The following EFNA5 variants were observed in gnomAD, a reference collection of about 807,000 sequenced individuals.
EFNA5 encodes the protein ephrin A5, also known as ephrin-A5.
A neutral mutation model predicts 22.9 loss-of-function variants in EFNA5; 5 were observed. The observed-to-expected ratio is 0.22, with a 90% CI of 0.11 to 0.46. The LOEUF (loss-of-function observed/expected upper bound fraction) is 0.46, where lower values mean the gene tolerates loss of function less well. EFNA5 is among the 20% of genes least tolerant of loss of function. The pLI, the probability that EFNA5 is intolerant of heterozygous loss-of-function variation, is 0.99. For missense variants in EFNA5, 237 were observed against 293.3 expected, an observed-to-expected ratio of 0.81 and a Z score of 1.40; for synonymous variants, 113 against 112.2, an observed-to-expected ratio of 1.01 and a Z score of -0.04.
At chr5:107,411,870 G>T (rs1748376762) in intron 2 of EFNA5, among the ~76,000 whole-genome samples, 1 of 152,162 alleles carries the variant, frequency 6.6e-6, no homozygotes, top group African/African-American at 2.4e-5. Context: ...AACATACTTG[G>T]CTCTTTTTGT....
At chr5:107,599,814 C>T (rs1037265383) in intron 1 of EFNA5, among the ~76,000 whole-genome samples, 1 of 152,188 alleles carries the variant, frequency 6.6e-6, no homozygotes, top group African/African-American at 2.4e-5. Context: ...TAGGAAGACT[C>T]CAGTGAGTTG....
At chr5:107,668,195 T>C (rs1327331166) in intron 1 of EFNA5, among the ~76,000 whole-genome samples, 1 of 152,172 alleles carries the variant, frequency 6.6e-6, no homozygotes, top group Non-Finnish European at 1.5e-5. Context: ...AAACTGATAA[T>C]GATCAAATAG....
intron 1 of EFNA5, among the ~76,000 whole-genome samples, chr5:107,630,115 A>T (rs932904363): frequency 3.3e-5 from 5 of 152,142 alleles, no homozygotes; most frequent in African/African-American, 1.2e-4. Context: ...AAAGCTCATC[A>T]GCTATCATTA....
intron 4 of EFNA5, among the ~76,000 whole-genome samples, chr5:107,386,422 A>G (rs1327543795): frequency 6.6e-6 from 1 of 152,182 alleles, no homozygotes; most frequent in East Asian, 1.9e-4. Context: ...GACTGAATTG[A>G]TAACCGAATG....
chr5:107,481,843 C>G (rs1379986482), intron 1 of EFNA5, among the ~76,000 whole-genome samples: 3 of 105,906 alleles, frequency 2.8e-5, no homozygotes, highest in African/African-American at 1.5e-4. Context: ...GAGCGAGACT[C>G]CATCTCAAAA....
At chr5:107,660,741 C>A (rs1426681999) in intron 1 of EFNA5, among the ~76,000 whole-genome samples, 9 of 152,068 alleles carry the variant, frequency 5.9e-5, no homozygotes, top group Non-Finnish European at 1.2e-4. Flanking sequence ...ATGGCAGACA[C>A]CAGATCTATC....
chr5:107,487,233 T>C (rs1172263010), intron 1 of EFNA5, among the ~76,000 whole-genome samples: 1 of 152,252 alleles, frequency 6.6e-6, no homozygotes, highest in South Asian at 2.1e-4. Flanking sequence ...CCACTCCCTC[T>C]TCCCCCCGGG....
rs1295576156 is a variant in EFNA5, at chr5:107,390,968, G to A, written c.419-3197C>T. ...AAGGCCAGGAGTTCGAGACCAGCCT[G>A]GCCAACTTGGCAAAACCCTGTCTCT... On this transcript the variant is annotated intron_variant, in intron 2 of 4. Transcript: ENST00000333274. 2.0e-5 allele frequency among the ~76,000 whole-genome samples: 3 copies of A among 152,224 alleles called. No homozygotes were observed. The East Asian group carries it at 5.8e-4, about 29-fold the overall frequency.
At chr5:107,618,593 T>C (rs1240423244) in intron 1 of EFNA5, among the ~76,000 whole-genome samples, 2 of 152,186 alleles carry the variant, frequency 1.3e-5, no homozygotes, top group Non-Finnish European at 2.9e-5. Context: ...AGGCACAGTT[T>C]TCCTGACAGT....
chr5:107,610,671 G>A (rs746722814), intron 1 of EFNA5, among the ~76,000 whole-genome samples: 1 of 151,818 alleles, frequency 6.6e-6, no homozygotes, highest in Non-Finnish European at 1.5e-5. Flanking sequence ...TTATTTTTCA[G>A]TGCATACAGT....
chr5:107,590,446 G>A (rs112683125), intron 1 of EFNA5, among the ~76,000 whole-genome samples: 1,677 of 151,554 alleles, frequency 0.011, 39 homozygotes, highest in African/African-American at 0.038. Context: ...CTGGAGTGCC[G>A]TGGAATGGTC....
intron 1 of EFNA5, among the ~76,000 whole-genome samples, chr5:107,660,306 A>ATATATG (rs1750925538): frequency 1.0e-5 from 1 of 96,824 alleles, no homozygotes; most frequent in Non-Finnish European, 2.1e-5. Context: ...ATATATATAT[A>ATATATG]TATATATATT....
chr5:107,456,929 C>T (rs534025852), intron 1 of EFNA5, among the ~76,000 whole-genome samples: 3 of 152,126 alleles, frequency 2.0e-5, no homozygotes, highest in Non-Finnish European at 4.4e-5. Flanking sequence ...TGACCCTTAG[C>T]ACAGTTGTTC....
At chr5:107,660,280 A>C (rs1406891069) in intron 1 of EFNA5, among the ~76,000 whole-genome samples, 3 of 52,582 alleles carry the variant, frequency 5.7e-5, no homozygotes, top group Non-Finnish European at 1.1e-4. Context: ...ATATATATAT[A>C]TATATATATA....
chr5:107,523,805 T>C (rs1283549931), intron 1 of EFNA5, among the ~76,000 whole-genome samples: 1 of 152,224 alleles, frequency 6.6e-6, no homozygotes, highest in Non-Finnish European at 1.5e-5. Flanking sequence ...TGGGTGCTTT[T>C]ATATTTAGCT....
At chr5:107,463,891 C>T (rs1294359433) in intron 1 of EFNA5, among the ~76,000 whole-genome samples, 2 of 152,038 alleles carry the variant, frequency 1.3e-5, no homozygotes, top group Admixed American at 6.6e-5. Context: ...TCACACTCAC[C>T]GAGCTGCATC....
chr5:107,401,547 T>C (rs1748084430), intron 2 of EFNA5, among the ~76,000 whole-genome samples: 1 of 152,194 alleles, frequency 6.6e-6, no homozygotes, highest in South Asian at 2.1e-4. Context: ...ATACTTCAAG[T>C]GCAAACTTCC....
At chr5:107,410,022 C>CTTTTTT (rs70996956) in intron 2 of EFNA5, among the ~76,000 whole-genome samples, 1 of 88,010 alleles carries the variant, frequency 1.1e-5, no homozygotes, top group African/African-American at 4.3e-5. Flanking sequence ...TGACATGATT[C>CTTTTTT]TTTTTTTTTT....
intron 2 of EFNA5, among the ~76,000 whole-genome samples, chr5:107,408,168 C>T (rs532038046): frequency 9.3e-5 from 14 of 151,064 alleles, no homozygotes; most frequent in Non-Finnish European, 2.1e-4. Flanking sequence ...AGCAAAACAA[C>T]GCACACACAC....
Sources: gnomAD v4.1 joint callset for allele counts (sites outside exome capture counted in the v4.1 genomes callset) on GRCh38, gnomAD v4.1.1 for gene constraint, MANE v1.5 for transcripts, NCBI Gene and HGNC (gene_info 2026-07-23, HGNC 2026-07-21) for gene names.